LIMCH1: variants seen among roughly 807,000 people sequenced by gnomAD.
LIMCH1 encodes the protein LIM and calponin homology domains-containing protein 1.
In LIMCH1, 113 loss-of-function variants were observed where a neutral mutation model predicts 176.5. That is an observed-to-expected ratio of 0.64 (90% CI 0.55 to 0.75). The LOEUF (loss-of-function observed/expected upper bound fraction) is 0.75, where lower values mean the gene tolerates loss of function less well. LIMCH1 is among the 30% of genes least tolerant of loss of function. The probability of loss-of-function intolerance (pLI) is 0.00; values close to 1 mark genes in which losing one functional copy is unlikely to be tolerated. For synonymous variants in LIMCH1, 619 were observed against 645.9 expected, an observed-to-expected ratio of 0.96 and a Z score of 0.63; for missense variants, 1,674 against 1,814.9, an observed-to-expected ratio of 0.92 and a Z score of 1.41.
intron 14 of LIMCH1, among the ~76,000 whole-genome samples, chr4:41,639,696 A>G (rs1396946737): frequency 6.6e-6 from 1 of 152,226 alleles, no homozygotes; most frequent in Non-Finnish European, 1.5e-5. Context: ...TCATTCTGCA[A>G]CTGATATTCA....
intron 1 of LIMCH1, among the ~76,000 whole-genome samples, chr4:41,376,725 T>C (rs2054823451): frequency 6.6e-6 from 1 of 152,214 alleles, no homozygotes; most frequent in Non-Finnish European, 1.5e-5. Context: ...TTCTGCAATG[T>C]TTACCTCATG....
chr4:41,458,701 G>C (rs1467675520), intron 1 of LIMCH1, among the ~76,000 whole-genome samples: 1 of 151,390 alleles, frequency 6.6e-6, no homozygotes, highest in East Asian at 1.9e-4. Context: ...GTGAACCTGG[G>C]GGGCGGAGGT....
intron 1 of LIMCH1, among the ~76,000 whole-genome samples, chr4:41,364,403 A>G (rs1561130442): frequency 6.6e-6 from 1 of 152,076 alleles, no homozygotes; most frequent in African/African-American, 2.4e-5. Context: ...AATAACAACT[A>G]AGGTTGATTT....
chr4:41,587,595 T>C (rs1402874208), intron 1 of LIMCH1, among the ~76,000 whole-genome samples: 3 of 152,134 alleles, frequency 2.0e-5, no homozygotes, highest in Non-Finnish European at 1.5e-5. Context: ...GGTTTACAGC[T>C]GTTTCAGTGG....
In LIMCH1 at chr4:41,687,887, C is replaced by A; in HGVS notation, c.4136C>A (p.Ser1379Tyr). 1.2e-6 allele frequency: 2 copies of A among 1,613,530 alleles called. No homozygotes were observed. Among genetic ancestry groups the A allele is most frequent in the Non-Finnish European group, 8.5e-7 (1 of 1,179,678 alleles). ...HFQAGPFSPC[S>Y]PTPPGQSPNR... ...CAGGCTGGGCCTTTCTCTCCCTGTTCTCCCACCCCTCCCGGTCAGTCACCA... is the reference window on the plus strand; with the variant it reads ...CAGGCTGGGCCTTTCTCTCCCTGTTATCCCACCCCTCCCGGTCAGTCACCA... The change falls in exon 29 of 32, where the codon TCT (serine) becomes TAT (tyrosine). Residue 1379 changes from serine (S) to tyrosine (Y), a missense_variant. Ser to Tyr is a moderately radical substitution (Grantham distance 144). Coordinates refer to ENST00000503057, the MANE Select transcript of LIMCH1 (RefSeq NM_001330672.2).
chr4:41,463,181 AAC>A (rs1468661011), intron 1 of LIMCH1, among the ~76,000 whole-genome samples: 1 of 152,030 alleles, frequency 6.6e-6, no homozygotes, highest in East Asian at 1.9e-4. Flanking sequence ...TAAAAAAAAA[AAC>A]TCTGAAGTTC....
intron 22 of LIMCH1, among the ~76,000 whole-genome samples, chr4:41,675,028 C>A (rs1006255463): frequency 6.6e-5 from 10 of 152,152 alleles, no homozygotes; most frequent in African/African-American, 2.2e-4. Flanking sequence ...AAGCTAGTAT[C>A]CCTAGATTAT....
intron 12 of LIMCH1, 102 bp downstream of exon 12, chr4:41,633,187 C>A: frequency 2.5e-6 from 2 of 794,774 alleles, no homozygotes; most frequent in Non-Finnish European, 2.0e-6. Context: ...CTGCACCTGG[C>A]GACTGATAGA....
chr4:41,493,325 C>T (rs1239502592), intron 1 of LIMCH1, among the ~76,000 whole-genome samples: 1 of 150,558 alleles, frequency 6.6e-6, no homozygotes, highest in Non-Finnish European at 1.5e-5. Flanking sequence ...TATCTCCTTT[C>T]TTGGTTTGTT....
At chr4:41,416,723 A>G in intron 1 of LIMCH1, among the ~76,000 whole-genome samples, 1 of 152,042 alleles carries the variant, frequency 6.6e-6, no homozygotes, top group East Asian at 1.9e-4. Context: ...GATGCTACAC[A>G]CACACAATAT....
chr4:41,502,632 T>G (rs1222337903), intron 2 of LIMCH1, among the ~76,000 whole-genome samples: 1 of 152,216 alleles, frequency 6.6e-6, no homozygotes, highest in Non-Finnish European at 1.5e-5. Context: ...CATTGTGGTT[T>G]TGATTTGCAT....
At chr4:41,586,762 G>A (rs2086560662) in intron 1 of LIMCH1, among the ~76,000 whole-genome samples, 2 of 152,130 alleles carry the variant, frequency 1.3e-5, no homozygotes, top group Admixed American at 6.5e-5. Context: ...TTTCCTGATA[G>A]GCTGCACTGT....
chr4:41,594,342 A>G (rs545442877), intron 1 of LIMCH1, among the ~76,000 whole-genome samples: 40 of 152,372 alleles, frequency 2.6e-4, no homozygotes, highest in African/African-American at 8.7e-4. Flanking sequence ...CACGATAGTA[A>G]GAGCTAAATA....
intron 1 of LIMCH1, among the ~76,000 whole-genome samples, chr4:41,593,728 G>A (rs528398042): frequency 2.0e-5 from 3 of 152,268 alleles, no homozygotes; most frequent in South Asian, 2.1e-4. Context: ...ACAGACACAC[G>A]TTTGTTTACA....
chr4:41,653,486 T>A (rs1406817234), intron 18 of LIMCH1, among the ~76,000 whole-genome samples: 1 of 152,214 alleles, frequency 6.6e-6, no homozygotes, highest in Non-Finnish European at 1.5e-5. Flanking sequence ...TGTGGGGCTG[T>A]CAAAAGATTA....
chr4:41,673,156 A>G (rs569502300), intron 22 of LIMCH1, among the ~76,000 whole-genome samples: 23 of 152,284 alleles, frequency 1.5e-4, no homozygotes, highest in Non-Finnish European at 2.1e-4. Flanking sequence ...GTCCCCAGCC[A>G]CAGTACAAAA....
intron 1 of LIMCH1, among the ~76,000 whole-genome samples, chr4:41,475,746 G>C (rs1179663731): frequency 6.6e-6 from 1 of 152,092 alleles, no homozygotes; most frequent in Non-Finnish European, 1.5e-5. Flanking sequence ...AGAGCATTAG[G>C]ACAAATACCT....
At chr4:41,416,051 A>G (rs1447408399) in intron 1 of LIMCH1, among the ~76,000 whole-genome samples, 1 of 151,946 alleles carries the variant, frequency 6.6e-6, no homozygotes, top group Non-Finnish European at 1.5e-5. Flanking sequence ...TATAGTACTC[A>G]GGCTGGCGCT....
chr4:41,602,580 A>C (rs918430118), intron 2 of LIMCH1, among the ~76,000 whole-genome samples: 1 of 152,114 alleles, frequency 6.6e-6, no homozygotes, highest in African/African-American at 2.4e-5. Context: ...GCAGATTGGG[A>C]GGCCAAGGCG....
Sources: gnomAD v4.1 joint callset for allele counts (sites outside exome capture counted in the v4.1 genomes callset) on GRCh38, gnomAD v4.1.1 for gene constraint, MANE v1.5 for transcripts, NCBI Gene and HGNC (gene_info 2026-07-23, HGNC 2026-07-21) for gene names.